The following GKAP1 variants were observed in gnomAD, a reference collection of about 807,000 sequenced individuals.
GKAP1 encodes G kinase-anchoring protein 1.
In GKAP1, 31 loss-of-function variants were observed where a neutral mutation model predicts 56.7. The observed-to-expected ratio is 0.55, with a 90% CI of 0.41 to 0.74. The LOEUF is 0.74. Ranked by LOEUF, GKAP1 falls within the 30% of genes least tolerant of loss-of-function variation. The pLI is 0.00. For missense variants in GKAP1, 364 were observed against 402.3 expected (o/e 0.90, Z 0.82); for synonymous variants, 151 against 138.6 (o/e 1.09, Z -0.63).
At chr9:83,747,273 A>C (rs1238144948) in intron 10 of GKAP1, among the ~76,000 whole-genome samples, 1 of 152,202 alleles carries the variant, frequency 6.6e-6, no homozygotes, top group Non-Finnish European at 1.5e-5. Flanking sequence ...AGGCTTTTGT[A>C]TATCAGCTTT....
chr9:83,744,710 A>G (rs573454483), intron 10 of GKAP1, among the ~76,000 whole-genome samples: 2 of 152,134 alleles, frequency 1.3e-5, no homozygotes, highest in South Asian at 2.1e-4. Context: ...AGACAGGTGT[A>G]TTAGTTCATT....
intron 8 of GKAP1, among the ~76,000 whole-genome samples, chr9:83,754,010 A>G (rs1943435503): frequency 6.6e-6 from 1 of 152,204 alleles, no homozygotes; most frequent in Non-Finnish European, 1.5e-5. Context: ...TCATCTGGAG[A>G]ATTCAGGATA....
intron 4 of GKAP1, among the ~76,000 whole-genome samples, chr9:83,797,043 A>G (rs947887828): frequency 6.6e-6 from 1 of 152,196 alleles, no homozygotes; most frequent in Non-Finnish European, 1.5e-5. Context: ...TCTTCCATTG[A>G]TACAAGATCA....
rs539475950 is a variant in GKAP1, at chr9:83,753,450, T to G, written c.739-91A>C. 15 of 844,418 alleles carry G rather than the reference T, an allele frequency of 1.8e-5. No homozygotes were observed. In the Admixed American group the frequency reaches 3.3e-4, roughly 19 times the overall value. 52.3% of individuals were successfully genotyped at this position (844,418 alleles called of 1,614,324 possible). A position where few individuals can be genotyped will look rare whatever the true frequency, so the allele number is the denominator to read the frequency against. On this transcript the variant is annotated intron_variant, in intron 8 of 12. Coordinates refer to ENST00000376371, the MANE Select transcript of GKAP1 (RefSeq NM_025211.4). ...TTTGTGAAAAGTTTAAGAGGAAAAA[T>G]TCTGACCTTAATTTTCTGAGGCCAC...
chr9:83,783,477 C>T (rs536602333), intron 6 of GKAP1, among the ~76,000 whole-genome samples: 22 of 152,320 alleles, frequency 1.4e-4, no homozygotes, highest in Non-Finnish European at 2.9e-4. Flanking sequence ...CCATACTGTA[C>T]AGCACAGGCT....
rs189426868 is a variant in GKAP1 at position 83,802,769 on chromosome 9, G to A, written c.217-3441C>T. ...TTGAACCCAGGAGTTTGAGGCTACA[G>A]TGAGCTATATCATGCCACTGAACTC... On this transcript the variant is annotated intron_variant, in intron 3 of 12. Coordinates refer to ENST00000376371, the MANE Select transcript of GKAP1 (RefSeq NM_025211.4). 3.9e-4 allele frequency among the ~76,000 whole-genome samples: 60 copies of A among 152,002 alleles called. No homozygotes were observed. In the East Asian group the frequency reaches 7.0e-3, roughly 18 times the overall value.
chr9:83,759,420 C>A (rs1195167888), intron 8 of GKAP1, among the ~76,000 whole-genome samples: 1 of 151,566 alleles, frequency 6.6e-6, no homozygotes, highest in Non-Finnish European at 1.5e-5. Context: ...GCCAACTCAC[C>A]TGGATAATTT....
chr9:83,767,097 T>C (rs560232248), intron 8 of GKAP1, among the ~76,000 whole-genome samples: 17 of 152,302 alleles, frequency 1.1e-4, no homozygotes, highest in African/African-American at 4.1e-4. Flanking sequence ...TAAAAATAAA[T>C]GCAGACATAG....
At chr9:83,790,278 A>C (rs1200042648) in intron 4 of GKAP1, among the ~76,000 whole-genome samples, 1 of 152,228 alleles carries the variant, frequency 6.6e-6, no homozygotes, top group Non-Finnish European at 1.5e-5. Context: ...GGAATAACTG[A>C]AAAGAATTGA....
intron 3 of GKAP1, among the ~76,000 whole-genome samples, chr9:83,799,698 A>T (rs77146144): frequency 0.011 from 1,704 of 152,300 alleles, 28 homozygotes; most frequent in African/African-American, 0.04. Context: ...TCACCCCTCT[A>T]ATCTTAGCCC....
chr9:83,739,835 G>C (rs1427863057), intron 12 of GKAP1, 91 bp from the exon 13 acceptor site: 1 of 996,048 alleles, frequency 1.0e-6, no homozygotes. Flanking sequence ...AGGCATCTTG[G>C]GGTATGAGAA....
At chr9:83,786,527 G>A (rs543241919) in intron 5 of GKAP1, among the ~76,000 whole-genome samples, 4 of 143,556 alleles carry the variant, frequency 2.8e-5, no homozygotes, top group African/African-American at 1.0e-4. Flanking sequence ...GGCAACAACA[G>A]CGAAACTCTG....
At chr9:83,812,359 A>AT (rs1426436116) in intron 2 of GKAP1, among the ~76,000 whole-genome samples, 1 of 146,730 alleles carries the variant, frequency 6.8e-6, no homozygotes, top group Non-Finnish European at 1.5e-5. Flanking sequence ...ATATATATAT[A>AT]TTTTTTTTTA....
At chr9:83,794,496 A>G (rs1279010176) in intron 4 of GKAP1, among the ~76,000 whole-genome samples, 1 of 152,234 alleles carries the variant, frequency 6.6e-6, no homozygotes, top group African/African-American at 2.4e-5. Flanking sequence ...GCTATTGGAA[A>G]AAAACCTTTA....
chr9:83,812,344 CGT>C (rs1491215710), intron 2 of GKAP1, among the ~76,000 whole-genome samples: 1 of 146,704 alleles, frequency 6.8e-6, no homozygotes, highest in Non-Finnish European at 1.5e-5. Context: ...TATATATACA[CGT>C]ATATATATAT....
intron 4 of GKAP1, among the ~76,000 whole-genome samples, chr9:83,796,038 A>AT (rs1471181785): frequency 6.6e-6 from 1 of 152,190 alleles, no homozygotes. Flanking sequence ...TAAAATTAGA[A>AT]TCTAATTCTT....
chr9:83,742,074 G>T (rs1167765235), intron 11 of GKAP1, 45 bp from the exon 12 acceptor site: 1 of 1,198,480 alleles, frequency 8.3e-7, no homozygotes, highest in Non-Finnish European at 1.2e-6. Flanking sequence ...TGGGGTTTTT[G>T]GCAAATACTC....
chr9:83,745,235 T>G (rs1210863762), intron 10 of GKAP1, among the ~76,000 whole-genome samples: 1 of 152,146 alleles, frequency 6.6e-6, no homozygotes, highest in African/African-American at 2.4e-5. Context: ...GGTTTTGTCA[T>G]GTTGCCCAGG....
chr9:83,798,674 C>A (rs1430160106), intron 4 of GKAP1, among the ~76,000 whole-genome samples: 1 of 152,002 alleles, frequency 6.6e-6, no homozygotes, highest in African/African-American at 2.4e-5. Flanking sequence ...CCTCCATGCC[C>A]GGCTAATTTT....
Sources: allele counts gnomAD v4.1 joint callset (sites outside exome capture counted in the v4.1 genomes callset), GRCh38; gene constraint gnomAD v4.1.1; transcripts MANE v1.5; gene names NCBI Gene and HGNC (gene_info 2026-07-23, HGNC 2026-07-21).